Variants in KHDRBS2 observed in about 807,000 individuals in gnomAD.
The protein encoded by KHDRBS2 is KH domain-containing, RNA-binding, signal transduction-associated protein 2.
Under a neutral mutation model 44.3 loss-of-function variants are expected in KHDRBS2, and 26 were observed. That is an observed-to-expected ratio of 0.59 (90% CI 0.43 to 0.81). The LOEUF is 0.81. Among genes scored for constraint, KHDRBS2 ranks in the 40% least tolerant of loss-of-function variants. KHDRBS2 has a pLI of 0.00. For missense variants in KHDRBS2, 476 were observed against 433.1 expected (o/e 1.10, Z -0.88); for synonymous variants, 194 against 151.1 (o/e 1.28, Z -2.08).
At chr6:62,091,650 C>G (rs1562835008) in intron 2 of KHDRBS2, among the ~76,000 whole-genome samples, 6 of 152,096 alleles carry the variant, frequency 3.9e-5, no homozygotes, top group Non-Finnish European at 8.8e-5. Flanking sequence ...AAAGATACCA[C>G]TTTTTCAAAT....
intron 6 of KHDRBS2, among the ~76,000 whole-genome samples, chr6:61,822,454 C>A (rs1362116273): frequency 2.0e-5 from 3 of 151,894 alleles, no homozygotes; most frequent in Non-Finnish European, 4.4e-5. Context: ...ATTAGATCGC[C>A]ATTTTCTATC....
rs1831503959 is a variant in KHDRBS2, at chr6:62,224,890, C to T, written c.92-47578G>A. Among the ~76,000 whole-genome samples, 3 of 152,132 alleles carry T rather than the reference C, an allele frequency of 2.0e-5. No homozygotes were observed. In the East Asian group the frequency reaches 5.8e-4, roughly 29 times the overall value. ...AAAAGTTTCATGCTCAAAGATATCC[C>T]TACCTGATATATCATATAAAAACAT... On this transcript the variant is annotated intron_variant, in intron 1 of 8. Transcript: ENST00000281156.
chr6:61,646,581 C>T, the KHDRBS2 span, among the ~76,000 whole-genome samples: 1 of 152,050 alleles, frequency 6.6e-6, no homozygotes, highest in Non-Finnish European at 1.5e-5. Flanking sequence ...AATGATTATC[C>T]TGGTTTCTTG....
intron 3 of KHDRBS2, among the ~76,000 whole-genome samples, chr6:62,009,716 C>T (rs1779939927): frequency 6.6e-6 from 1 of 152,202 alleles, no homozygotes; most frequent in African/African-American, 2.4e-5. Flanking sequence ...CAAAGTAGAG[C>T]TCAGGTCATG....
chr6:61,668,475 T>G, the KHDRBS2 span, among the ~76,000 whole-genome samples: 1 of 151,050 alleles, frequency 6.6e-6, no homozygotes, highest in Non-Finnish European at 1.5e-5. Context: ...AAAGTAATTA[T>G]TCTGAGACAG....
At chr6:62,258,116 C>T (rs1218139192) in intron 1 of KHDRBS2, among the ~76,000 whole-genome samples, 1 of 151,910 alleles carries the variant, frequency 6.6e-6, no homozygotes, top group East Asian at 1.9e-4. Context: ...ATCTATAATG[C>T]TGTGTTTTGA....
chr6:61,978,822 G>T (rs1773261132), intron 3 of KHDRBS2, among the ~76,000 whole-genome samples: 1 of 151,970 alleles, frequency 6.6e-6, no homozygotes, highest in African/African-American at 2.4e-5. Flanking sequence ...TTAAAGGGTG[G>T]TTTAACATTT....
chr6:62,274,169 C>T (rs192804264), intron 1 of KHDRBS2, among the ~76,000 whole-genome samples: 96 of 152,098 alleles, frequency 6.3e-4, no homozygotes, highest in Non-Finnish European at 1.0e-3. Context: ...CTCCTGACCT[C>T]GTGATCTGCC....
chr6:61,551,976 G>C, the KHDRBS2 span, among the ~76,000 whole-genome samples: 5 of 152,136 alleles, frequency 3.3e-5, no homozygotes, highest in Middle Eastern at 3.4e-3. Context: ...TTGTTGCATG[G>C]GAATGCTACT....
chr6:62,193,764 G>A (rs1446805376), intron 1 of KHDRBS2, among the ~76,000 whole-genome samples: 1 of 151,952 alleles, frequency 6.6e-6, no homozygotes, highest in African/African-American at 2.4e-5. Context: ...CTTTATTTTA[G>A]CCATCCTAGC....
chr6:61,718,314 T>C (rs1771784852), intron 7 of KHDRBS2, among the ~76,000 whole-genome samples: 1 of 152,108 alleles, frequency 6.6e-6, no homozygotes, highest in Non-Finnish European at 1.5e-5. Context: ...TGTATATTCT[T>C]TCTTTTGCTT....
intron 2 of KHDRBS2, among the ~76,000 whole-genome samples, chr6:62,149,025 C>T (rs1814529704): frequency 6.6e-6 from 1 of 151,992 alleles, no homozygotes; most frequent in African/African-American, 2.4e-5. Context: ...GCCCTATTTC[C>T]TTTAAATATT....
At chr6:61,953,554 C>A (rs926248810) in intron 4 of KHDRBS2, among the ~76,000 whole-genome samples, 2 of 151,954 alleles carry the variant, frequency 1.3e-5, no homozygotes, top group African/African-American at 4.8e-5. Flanking sequence ...CATAGCTGCT[C>A]CCTTCAGCCA....
intron 1 of KHDRBS2, among the ~76,000 whole-genome samples, chr6:62,229,018 T>G (rs746859096): frequency 6.6e-6 from 1 of 152,142 alleles, no homozygotes; most frequent in Non-Finnish European, 1.5e-5. Context: ...ACAAAGCACT[T>G]TGACTGTCCC....
chr6:61,704,122 C>T lies in KHDRBS2; in HGVS notation c.894-6869G>A, dbSNP rs187639353. On this transcript the variant is annotated intron_variant, in intron 7 of 8. Transcript: ENST00000281156. ...AAACTAGCTGCATGTGTCTTTCCCA[C>T]CTTCACCTATCCCAACACATTCTTT... Among the ~76,000 whole-genome samples the T allele has an allele frequency of 4.6e-5, 7 of 151,996 alleles. No individual in the cohort carries two copies. The East Asian group carries it at 1.4e-3, about 30-fold the overall frequency.
intron 2 of KHDRBS2, among the ~76,000 whole-genome samples, chr6:62,053,928 A>C (rs187115237): frequency 6.6e-6 from 1 of 152,002 alleles, no homozygotes; most frequent in South Asian, 2.1e-4. Flanking sequence ...ATAATTAGAG[A>C]ATTTTTTTAA....
intron 1 of KHDRBS2, among the ~76,000 whole-genome samples, chr6:62,278,609 CAT>C (rs1841342552): frequency 6.6e-6 from 1 of 152,058 alleles, no homozygotes; most frequent in African/African-American, 2.4e-5. Context: ...AATTAAAACA[CAT>C]AAATGAATGC....
At chr6:61,985,062 G>C (rs1203788451) in intron 3 of KHDRBS2, among the ~76,000 whole-genome samples, 1 of 152,120 alleles carries the variant, frequency 6.6e-6, no homozygotes, top group Non-Finnish European at 1.5e-5. Context: ...CCTGTGGCTT[G>C]TTACCTTACT....
At chr6:61,623,202 C>T in the KHDRBS2 span, among the ~76,000 whole-genome samples, 11 of 152,014 alleles carry the variant, frequency 7.2e-5, no homozygotes, top group South Asian at 2.1e-4. Context: ...TTCCTGAATC[C>T]GAACATATTT....
Sources: gnomAD v4.1 joint callset for allele counts (sites outside exome capture counted in the v4.1 genomes callset) on GRCh38, gnomAD v4.1.1 for gene constraint, MANE v1.5 for transcripts, NCBI Gene and HGNC (gene_info 2026-07-23, HGNC 2026-07-21) for gene names.